POLN: variants seen among roughly 807,000 people sequenced by gnomAD.
POLN encodes DNA polymerase nu, also known as DNA polymerase N.
In POLN, 108 loss-of-function variants were observed where a neutral mutation model predicts 113.5. That is an observed-to-expected ratio of 0.95 (90% confidence interval 0.81 to 1.12). The LOEUF is 1.12. Ranked by LOEUF, POLN falls within the 50% of genes most tolerant of loss-of-function variation. POLN has a pLI of 0.00. For missense variants in POLN, 1,097 were observed against 1,077.1 expected (o/e 1.02, Z -0.26); for synonymous variants, 386 against 391.5 (o/e 0.99, Z 0.17).
chr4:2,220,105 G>T (rs182789181), intron 3 of POLN, among the ~76,000 whole-genome samples: 1 of 152,034 alleles, frequency 6.6e-6, no homozygotes, highest in Admixed American at 6.6e-5. Flanking sequence ...CTACAAATTC[G>T]CCTCTCAGCT....
In POLN at chr4:2,129,219, G is replaced by C. The variant is rs139858414; in HGVS notation, c.1827C>G (p.Ala609=). The change falls in exon 18 of 26, where the codon GCC becomes GCG. Residue 609 remains alanine (A), a synonymous_variant. Coordinates refer to ENST00000511885, the MANE Select transcript of POLN (RefSeq NM_181808.4). ...TGTGGCCTTTGGATGAAACAAACATGGCCCTCGGGGAGATCGTGAGAATCT... is the reference window on the plus strand; with the variant it reads ...TGTGGCCTTTGGATGAAACAAACATCGCCCTCGGGGAGATCGTGAGAATCT... ...EDKILTISPR[A]MFVSSKGHTF... 1 of 1,600,838 alleles carries C rather than the reference G, an allele frequency of 6.2e-7. No homozygotes were observed. The highest frequency in any genetic ancestry group is 1.3e-5 in the African/African-American group (1 of 74,534).
intron 24 of POLN, among the ~76,000 whole-genome samples, chr4:2,073,350 C>T (rs912981845): frequency 5.3e-5 from 8 of 152,342 alleles, no homozygotes; most frequent in East Asian, 1.9e-4. Context: ...CCTACCCCTC[C>T]GGCTCAGCTC....
intron 13 of POLN, among the ~76,000 whole-genome samples, chr4:2,160,347 G>GT (rs1321143434): frequency 6.6e-6 from 1 of 152,136 alleles, no homozygotes; most frequent in South Asian, 2.1e-4. Context: ...ATTCTGGACA[G>GT]TTTTTTGGTC....
intron 3 of POLN, among the ~76,000 whole-genome samples, chr4:2,217,608 C>T (rs933117414): frequency 6.6e-6 from 1 of 152,232 alleles, no homozygotes; most frequent in African/African-American, 2.4e-5. Context: ...TACCAGGGCC[C>T]AGTAGCATGA....
intron 19 of POLN, among the ~76,000 whole-genome samples, chr4:2,100,880 A>G (rs532529952): frequency 1.2e-4 from 18 of 152,384 alleles, no homozygotes; most frequent in African/African-American, 4.3e-4. Context: ...CCTACTTCCT[A>G]TCATACACAA....
chr4:2,215,910 C>G (rs1185929448), intron 3 of POLN, among the ~76,000 whole-genome samples: 1 of 152,238 alleles, frequency 6.6e-6, no homozygotes, highest in Non-Finnish European at 1.5e-5. Flanking sequence ...CCTATCTCCT[C>G]TGCTGCTCTA....
chr4:2,239,929 T>G, intron 2 of POLN: 1 of 811,578 alleles, frequency 1.2e-6, no homozygotes, highest in Non-Finnish European at 2.0e-6. Flanking sequence ...GAAAATAAAA[T>G]GTAATCTCTT....
At position 2,214,776 on chromosome 4, in the gene POLN, T is replaced by C. The variant is rs1269944912; in HGVS notation, c.134-1650A>G. Among the ~76,000 whole-genome samples the C allele has an allele frequency of 3.3e-5, 5 of 152,230 alleles. No homozygotes were observed. In the East Asian group the frequency reaches 9.6e-4, roughly 29 times the overall value. ...CCACAGGGAGCTCAAGATGGGCCTC[T>C]GGGAATGCTAGTTATGTTTCCTGAA... On this transcript the variant is annotated intron_variant, in intron 3 of 25. Coordinates refer to ENST00000511885, the MANE Select transcript of POLN (RefSeq NM_181808.4).
In POLN at chr4:2,096,686, AAGAGAGAGAGAGAGAGAG is replaced by A. The variant is rs750844060; in HGVS notation, c.1983-771_1983-754del. Among the ~76,000 whole-genome samples, 72 of 130,008 alleles carry A rather than the reference AAGAGAGAGAGAGAGAGAG, an allele frequency of 5.5e-4. 1 individual carries two copies. The highest frequency in any genetic ancestry group is 1.5e-3 in the African/African-American group (52 of 33,904). The allele number at this position is 130,008 out of a possible 152,430, so 85.3% of individuals were successfully genotyped here. On this transcript the variant is annotated intron_variant, in intron 19 of 25. Coordinates refer to ENST00000511885, the MANE Select transcript of POLN (RefSeq NM_181808.4). ...CATCTCAGATTCAGAAGCCGAGAGA[AAGAGAGAGAGAGAGAGAG>A]AGAGAGAGAGAGAGAGAGAGAGAGA...
intron 13 of POLN, among the ~76,000 whole-genome samples, chr4:2,166,923 C>G (rs1306783114): frequency 6.6e-6 from 1 of 152,132 alleles, no homozygotes; most frequent in Non-Finnish European, 1.5e-5. Flanking sequence ...TAACAAATCC[C>G]CTCTCATATA....
At chr4:2,184,231 C>A in intron 7 of POLN, among the ~76,000 whole-genome samples, 1 of 146,424 alleles carries the variant, frequency 6.8e-6, no homozygotes. Flanking sequence ...AAGACACAGT[C>A]TAGTAAAACA....
chr4:2,183,888 CT>C (rs34321496), intron 7 of POLN, among the ~76,000 whole-genome samples: 47 of 147,114 alleles, frequency 3.2e-4, no homozygotes, highest in South Asian at 4.3e-4. Context: ...TTCTTTTTTT[CT>C]TTTTTTTTTT....
intron 17 of POLN, among the ~76,000 whole-genome samples, chr4:2,130,522 C>T (rs1731700019): frequency 6.6e-6 from 1 of 152,174 alleles, no homozygotes; most frequent in South Asian, 2.1e-4. Context: ...AGCAGAATAG[C>T]TTAAAAGAAA....
At chr4:2,152,334 G>C (rs1052514447) in intron 16 of POLN, among the ~76,000 whole-genome samples, 3 of 147,768 alleles carry the variant, frequency 2.0e-5, no homozygotes, top group African/African-American at 7.5e-5. Context: ...CATTGCACCT[G>C]GCCTGATTTT....
At chr4:2,161,163 T>G (rs1005159361) in intron 13 of POLN, among the ~76,000 whole-genome samples, 1 of 152,234 alleles carries the variant, frequency 6.6e-6, no homozygotes, top group African/African-American at 2.4e-5. Flanking sequence ...GGCTCCCACT[T>G]TGGCGGCACT....
intron 3 of POLN, among the ~76,000 whole-genome samples, chr4:2,222,081 A>G (rs1045169508): frequency 6.6e-6 from 1 of 152,332 alleles, no homozygotes. Context: ...TAAACTTTCT[A>G]AATTGAGACC....
At chr4:2,119,948 A>G (rs951373882) in intron 19 of POLN, among the ~76,000 whole-genome samples, 1 of 152,220 alleles carries the variant, frequency 6.6e-6, no homozygotes, top group Non-Finnish European at 1.5e-5. Flanking sequence ...GACATATGCT[A>G]TATTCAATGT....
intron 16 of POLN, among the ~76,000 whole-genome samples, chr4:2,148,233 A>C (rs767019480): frequency 1.6e-4 from 24 of 152,190 alleles, no homozygotes; most frequent in Non-Finnish European, 2.2e-4. Context: ...AAATTGAAAC[A>C]GAAGAAAATC....
chr4:2,157,085 A>C (rs1353859931), intron 15 of POLN, among the ~76,000 whole-genome samples: 1 of 152,194 alleles, frequency 6.6e-6, no homozygotes, highest in Non-Finnish European at 1.5e-5. Context: ...GAACTGCCAT[A>C]AGACTTTATG....
Sources: allele counts gnomAD v4.1 joint callset (sites outside exome capture counted in the v4.1 genomes callset), GRCh38; gene constraint gnomAD v4.1.1; transcripts MANE v1.5; gene names NCBI Gene and HGNC (gene_info 2026-07-23, HGNC 2026-07-21).